SMC1B: variants seen among roughly 807,000 people sequenced by gnomAD.
SMC1B encodes structural maintenance of chromosomes 1B.
In SMC1B, 60 loss-of-function variants were observed where a neutral mutation model predicts 157.9. That is an observed-to-expected ratio of 0.38 (90% CI 0.31 to 0.47). SMC1B has a LOEUF of 0.47. SMC1B is among the 20% of genes least tolerant of loss of function. The pLI, the probability that SMC1B is intolerant of heterozygous loss-of-function variation, is 0.99. For synonymous variants in SMC1B, 445 were observed against 483.0 expected, an observed-to-expected ratio of 0.92 and a Z score of 1.03; for missense variants, 1,165 against 1,426.2, an observed-to-expected ratio of 0.82 and a Z score of 2.95.
At chr22:45,413,208 C>T (rs2087371755) in intron 1 of SMC1B, among the ~76,000 whole-genome samples, 1 of 151,732 alleles carries the variant, frequency 6.6e-6, no homozygotes, top group Non-Finnish European at 1.5e-5. Flanking sequence ...AGGGTCAGGA[C>T]CTCCGAGGTG....
intron 7 of SMC1B, 80 bp downstream of exon 7, chr22:45,396,266 T>G: frequency 7.9e-7 from 1 of 1,268,678 alleles, no homozygotes; most frequent in Non-Finnish European, 1.1e-6. Context: ...TTAAGGAGAT[T>G]CATTCTGGAG....
chr22:45,390,943 A>T (rs759988565), intron 9 of SMC1B, among the ~76,000 whole-genome samples: 1 of 152,182 alleles, frequency 6.6e-6, no homozygotes, highest in Non-Finnish European at 1.5e-5. Flanking sequence ...ATGATAAACC[A>T]TCACTGTCTT....
intron 1 of SMC1B, among the ~76,000 whole-genome samples, chr22:45,409,701 C>G (rs767717851): frequency 1.6e-4 from 24 of 151,996 alleles, no homozygotes; most frequent in Non-Finnish European, 3.2e-4. Context: ...ATTTATATAG[C>G]AGGCTTGATA....
chr22:45,345,406 A>T (rs1199432280), intron 24 of SMC1B, 53 bp downstream of exon 24: 4 of 1,086,110 alleles, frequency 3.7e-6, no homozygotes. Flanking sequence ...CTGTCAGGGT[A>T]CTAAGGGAAG....
rs185396279 is a variant in SMC1B, at chr22:45,351,610, G to A, written c.3425+841C>T. 2.0e-4 allele frequency among the ~76,000 whole-genome samples: 30 copies of A among 152,308 alleles called. No homozygotes were observed. The East Asian group carries it at 3.1e-3, about 16-fold the overall frequency. On this transcript the variant is annotated intron_variant, in intron 22 of 24. Coordinates refer to ENST00000357450, the MANE Select transcript of SMC1B (RefSeq NM_148674.5). ...TTCACCTAGGCTAGCGTGCAGTGGT[G>A]TCATCACGGTTTATTGCAGCCTCGA...
At chr22:45,374,095 T>C (rs991821179) in intron 12 of SMC1B, among the ~76,000 whole-genome samples, 1 of 144,210 alleles carries the variant, frequency 6.9e-6, no homozygotes, top group Non-Finnish European at 1.5e-5. Flanking sequence ...AGACGGTTTT[T>C]TTTTTTTTTT....
At chr22:45,347,087 C>A (rs1476213099) in intron 23 of SMC1B, among the ~76,000 whole-genome samples, 1 of 152,168 alleles carries the variant, frequency 6.6e-6, no homozygotes, top group Non-Finnish European at 1.5e-5. Flanking sequence ...TATAAAGTGC[C>A]AAAATTCTCC....
At chr22:45,413,176 G>A (rs2087370711) in intron 1 of SMC1B, among the ~76,000 whole-genome samples, 1 of 152,104 alleles carries the variant, frequency 6.6e-6, no homozygotes, top group South Asian at 2.1e-4. Flanking sequence ...CGAGAGCGGG[G>A]CCCGAGGCGG....
chr22:45,349,347 G>GT (rs1015457916), intron 23 of SMC1B, among the ~76,000 whole-genome samples: 2 of 146,926 alleles, frequency 1.4e-5, no homozygotes, highest in Non-Finnish European at 3.0e-5. Context: ...GTTTTGTTTT[G>GT]TTTTTTTGAG....
At position 45,355,061 on chromosome 22, in the gene SMC1B, C is replaced by T; in HGVS notation, c.3016G>A (p.Val1006Ile). The change falls in exon 20 of 25, where the codon GTA (valine) becomes ATA (isoleucine). Residue 1006 changes from valine to isoleucine, a missense_variant. Coordinates refer to ENST00000357450, the MANE Select transcript of SMC1B (RefSeq NM_148674.5). ...AGTAAGATATCTTCCTGGGATGCTA[C>T]TTGCTGCAATAAGAGCCTAAGGTGG... ...EAHLRLLLQQ[V>I]ASQEDILLKT... is the part of the protein sequence containing the mutation. 1 of 1,614,178 alleles carries T rather than the reference C, an allele frequency of 6.2e-7. No individual in the cohort carries two copies. The highest frequency in any genetic ancestry group is 8.5e-7 in the Non-Finnish European group (1 of 1,180,028).
At position 45,351,138 on chromosome 22, in the gene SMC1B, C is replaced by T. The variant is rs553203333; in HGVS notation, c.3425+1313G>A. Among the ~76,000 whole-genome samples, 3 of 152,282 alleles carry T rather than the reference C, an allele frequency of 2.0e-5. No homozygotes were observed. The East Asian group carries it at 5.8e-4, about 29-fold the overall frequency. On this transcript the variant is annotated intron_variant, in intron 22 of 24. Coordinates refer to ENST00000357450, the MANE Select transcript of SMC1B (RefSeq NM_148674.5). ...TCCCTGCCACTCACCATCTCCATTC[C>T]CTGCTTTTTTTCTCTATAGAACTTG...
rs1428848688 is a variant in SMC1B, at chr22:45,399,080, G to C, written c.1113+15C>G. On this transcript the variant is annotated intron_variant, in intron 6 of 24. Transcript: ENST00000357450. ...AATAGAAACACAAGATTTCCCCTAA[G>C]TTGTCCTTTTTTACCTGACTGGCTT... The C allele has an allele frequency of 6.2e-7, 1 of 1,602,300 alleles. No homozygotes were observed. The highest frequency in any genetic ancestry group is 8.5e-7 in the Non-Finnish European group (1 of 1,177,048).
At chr22:45,367,955 C>A (rs2086791913) in intron 15 of SMC1B, among the ~76,000 whole-genome samples, 1 of 152,132 alleles carries the variant, frequency 6.6e-6, no homozygotes, top group South Asian at 2.1e-4. Context: ...AGCAGTGAAG[C>A]CAGCTTGATT....
chr22:45,359,401 T>A (rs1391572444), intron 18 of SMC1B, among the ~76,000 whole-genome samples: 1 of 152,210 alleles, frequency 6.6e-6, no homozygotes, highest in African/African-American at 2.4e-5. Flanking sequence ...TCCTGTTCCG[T>A]CACCACCTGG....
At chr22:45,413,410 G>A (rs2087377949) in intron 1 of SMC1B, 49 bp downstream of exon 1, 2 of 1,450,358 alleles carry the variant, frequency 1.4e-6, no homozygotes, top group Non-Finnish European at 9.4e-7. Context: ...TGGCCTGGAC[G>A]CCTGGGACGG....
At chr22:45,355,406 A>G (rs1350823500) in intron 19 of SMC1B, among the ~76,000 whole-genome samples, 1 of 152,208 alleles carries the variant, frequency 6.6e-6, no homozygotes, top group African/African-American at 2.4e-5. Context: ...TCTACTATGT[A>G]TTACACTGAG....
At chr22:45,399,455 A>G in intron 5 of SMC1B, 102 bp from the exon 6 acceptor site, 1 of 1,169,390 alleles carries the variant, frequency 8.6e-7, no homozygotes, top group Non-Finnish European at 1.2e-6. Context: ...GAAATCCTAA[A>G]AATCAACTTT....
rs1201603031 is a variant in SMC1B at position 45,344,083 on chromosome 22, T to A, written c.*473A>T. 6.6e-6 allele frequency: 1 copy of A among 152,292 alleles called. No individual in the cohort carries two copies. Among genetic ancestry groups the A allele is most frequent in the Non-Finnish European group, 1.5e-5 (1 of 68,086 alleles). The allele number at this position is 152,292 out of a possible 1,614,324, so 9.4% of individuals were successfully genotyped here. A position where few individuals can be genotyped will look rare whatever the true frequency, so the allele number is the denominator to read the frequency against. On this transcript the variant is annotated 3_prime_UTR_variant, in exon 25 of 25. Transcript: ENST00000357450. ...AGACATTTGAAATTAGAACATTTTT[T>A]ATTGATATTTTCAATACTAACATAG...
chr22:45,399,445 G>C, intron 5 of SMC1B, 92 bp from the exon 6 acceptor site: 2 of 1,257,480 alleles, frequency 1.6e-6, no homozygotes, highest in Non-Finnish European at 2.2e-6. Context: ...CTTTAAAAAA[G>C]AAATCCTAAA....
Sources: gnomAD v4.1 joint callset for allele counts (sites outside exome capture counted in the v4.1 genomes callset) on GRCh38, gnomAD v4.1.1 for gene constraint, MANE v1.5 for transcripts, NCBI Gene and HGNC (gene_info 2026-07-23, HGNC 2026-07-21) for gene names.